Variants in CILK1 observed in about 807,000 individuals in gnomAD.
The protein encoded by CILK1 is ciliogenesis associated kinase 1.
A neutral mutation model predicts 79.2 loss-of-function variants in CILK1; 47 were observed. The observed-to-expected ratio is 0.59, with a 90% CI of 0.47 to 0.76. The LOEUF (loss-of-function observed/expected upper bound fraction) is 0.76. CILK1 is among the 30% of genes least tolerant of loss of function. The pLI, the probability that CILK1 is intolerant of heterozygous loss-of-function variation, is 0.00. For synonymous variants in CILK1, 266 were observed against 275.9 expected (o/e 0.96, Z 0.36); for missense variants, 660 against 769.5 (o/e 0.86, Z 1.68).
intron 3 of CILK1, among the ~76,000 whole-genome samples, chr6:53,033,654 A>G (rs1766121643): frequency 6.6e-6 from 1 of 152,208 alleles, no homozygotes; most frequent in Non-Finnish European, 1.5e-5. Context: ...AGAGTCCAAT[A>G]TTAAGTTATC....
At chr6:53,047,030 G>A (rs762608946) in intron 1 of CILK1, among the ~76,000 whole-genome samples, 1 of 152,220 alleles carries the variant, frequency 6.6e-6, no homozygotes, top group Admixed American at 6.5e-5. Flanking sequence ...ACAGCCTAAT[G>A]TTTCTCACCC....
intron 12 of CILK1, among the ~76,000 whole-genome samples, chr6:53,007,573 G>C (rs946843033): frequency 6.6e-6 from 1 of 152,102 alleles, no homozygotes; most frequent in African/African-American, 2.4e-5. Flanking sequence ...CCCATATCCC[G>C]CTGGAGAGCA....
intron 13 of CILK1, 71 bp from the exon 14 acceptor site, chr6:53,005,374 T>G: frequency 6.5e-7 from 1 of 1,539,084 alleles, no homozygotes; most frequent in Non-Finnish European, 9.0e-7. Flanking sequence ...TAAATGCATT[T>G]TGGTGACAAA....
At chr6:53,031,002 C>T in intron 5 of CILK1, 63 bp downstream of exon 5, 1 of 1,158,172 alleles carries the variant, frequency 8.6e-7, no homozygotes, top group South Asian at 1.2e-5. Context: ...ATGTTTCCTA[C>T]AACTTCTACT....
At chr6:53,007,436 T>C (rs1764295322) in intron 12 of CILK1, among the ~76,000 whole-genome samples, 1 of 152,204 alleles carries the variant, frequency 6.6e-6, no homozygotes, top group African/African-American at 2.4e-5. Flanking sequence ...CAAGAAAAGA[T>C]GATGAACCTC....
intron 3 of CILK1, among the ~76,000 whole-genome samples, chr6:53,035,104 T>C (rs553256123): frequency 2.5e-4 from 38 of 152,302 alleles, no homozygotes; most frequent in Non-Finnish European, 4.7e-4. Flanking sequence ...TTCTGGTGAA[T>C]CTGCTGCCTT....
At chr6:53,052,237 C>T (rs770311426) in intron 1 of CILK1, among the ~76,000 whole-genome samples, 4 of 152,146 alleles carry the variant, frequency 2.6e-5, no homozygotes, top group Non-Finnish European at 5.9e-5. Flanking sequence ...TGATCTCATA[C>T]CATTTTATAG....
At chr6:53,011,695 C>A (rs547162669) in intron 11 of CILK1, 74 bp downstream of exon 11, 2 of 1,418,530 alleles carry the variant, frequency 1.4e-6, no homozygotes, top group Non-Finnish European at 2.0e-6. Flanking sequence ...TAAAACAGAA[C>A]CTTTGTGAAT....
intron 3 of CILK1, among the ~76,000 whole-genome samples, chr6:53,037,076 C>T (rs561355598): frequency 6.6e-6 from 1 of 152,226 alleles, no homozygotes; most frequent in Non-Finnish European, 1.5e-5. Context: ...GTACAGGACC[C>T]CTTTGGAGAA....
intron 1 of CILK1, among the ~76,000 whole-genome samples, chr6:53,046,539 T>C (rs1228296502): frequency 1.3e-5 from 2 of 152,156 alleles, no homozygotes; most frequent in African/African-American, 4.8e-5. Flanking sequence ...TGTCATATTA[T>C]CAAGGAACAA....
At chr6:53,052,534 C>A (rs1169208183) in intron 1 of CILK1, among the ~76,000 whole-genome samples, 1 of 152,088 alleles carries the variant, frequency 6.6e-6, no homozygotes, top group East Asian at 1.9e-4. Context: ...AGTTCGAGAT[C>A]AGCCTGGCCA....
At chr6:53,041,612 G>C (rs1253269926) in intron 1 of CILK1, among the ~76,000 whole-genome samples, 4 of 152,204 alleles carry the variant, frequency 2.6e-5, no homozygotes, top group African/African-American at 9.6e-5. Context: ...TTGGAATAAT[G>C]TTGTTTCATT....
chr6:53,007,665 C>T lies in CILK1; in HGVS notation c.1622-1228G>A, dbSNP rs191899261. Among the ~76,000 whole-genome samples, 513 of 152,000 alleles carry T rather than the reference C, an allele frequency of 3.4e-3. 1 individual carries two copies. The highest frequency in any genetic ancestry group is 0.012 in the African/African-American group (488 of 41,446). On this transcript the variant is annotated intron_variant, in intron 12 of 13. Coordinates refer to ENST00000676107, the MANE Select transcript of CILK1 (RefSeq NM_014920.5). ...TTGACTCTGGCTGGGCATGGTGGCT[C>T]ACACTTGTAATCCCAGCACAATGGG...
intron 5 of CILK1, 84 bp downstream of exon 5, chr6:53,030,980 CA>C (rs1489711280): frequency 3.1e-6 from 3 of 960,870 alleles, no homozygotes; most frequent in South Asian, 2.6e-5. Flanking sequence ...GAGTCAGCTA[CA>C]AAAAATATTA....
chr6:53,036,054 G>A (rs1187366540), intron 3 of CILK1, among the ~76,000 whole-genome samples: 2 of 152,178 alleles, frequency 1.3e-5, no homozygotes, highest in Non-Finnish European at 2.9e-5. Flanking sequence ...ATCAGCTAGA[G>A]GAGCAGTTTC....
chr6:53,041,177 C>T lies in CILK1; in HGVS notation c.60G>A (p.Leu20=), dbSNP rs1487371766. The T allele has an allele frequency of 6.2e-7, 1 of 1,614,024 alleles. No individual in the cohort carries two copies. Among genetic ancestry groups the T allele is most frequent in the South Asian group, 1.1e-5 (1 of 91,078 alleles). The change falls in exon 2 of 14, where the codon CTG becomes CTA. Residue 20 remains leucine (L), a synonymous_variant. Transcript: ENST00000676107. The stretch of plus-strand genomic sequence containing the variant: ...GCTCCCCAGACTCAATGCTTCTTCC[C>T]AGCAGGACGGAACCGTAGGTTCCAT... ...LGDGTYGSVL[L]GRSIESGELI... is the part of the protein sequence containing the mutation.
intron 5 of CILK1, among the ~76,000 whole-genome samples, chr6:53,023,038 A>T (rs1350976839): frequency 6.6e-6 from 1 of 151,260 alleles, no homozygotes; most frequent in Non-Finnish European, 1.5e-5. Flanking sequence ...GGTTCACGCC[A>T]TTCTCCTGCC....
intron 1 of CILK1, among the ~76,000 whole-genome samples, chr6:53,058,227 A>G (rs926703628): frequency 2.0e-5 from 3 of 152,208 alleles, no homozygotes; most frequent in Non-Finnish European, 4.4e-5. Flanking sequence ...GACAGCAGTT[A>G]ACTAGGAGCA....
Position 53,016,140 on chromosome 6 carries a change from G to C in CILK1, c.774C>G (p.Val258=). The C allele has an allele frequency of 2.5e-6, 4 of 1,614,070 alleles. No individual in the cohort carries two copies. Among genetic ancestry groups the C allele is most frequent in the Non-Finnish European group, 3.4e-6 (4 of 1,179,950 alleles). The change falls in exon 8 of 14, where the codon GTC becomes GTG. Residue 258 remains valine, a synonymous_variant. Coordinates refer to ENST00000676107, the MANE Select transcript of CILK1 (RefSeq NM_014920.5). Reference sequence around the variant, plus strand: ...ACTGAAGCATGTCTCTCAGGAGCTGGACTGCTTCACTGCTAGCATTGGGAA... The same window carrying C: ...ACTGAAGCATGTCTCTCAGGAGCTGCACTGCTTCACTGCTAGCATTGGGAA... ...TLIPNASSEA[V]QLLRDMLQWD... is the part of the protein sequence containing the mutation.
Sources: allele counts gnomAD v4.1 joint callset (sites outside exome capture counted in the v4.1 genomes callset), GRCh38; gene constraint gnomAD v4.1.1; transcripts MANE v1.5; gene names NCBI Gene and HGNC (gene_info 2026-07-23, HGNC 2026-07-21).